S100A8: variants seen among roughly 807,000 people sequenced by gnomAD.
S100A8 encodes the protein protein S100-A8.
S100A8 carries 1 observed loss-of-function variant against 4.2 expected under a neutral mutation model. The ratio of observed to expected loss-of-function variants is 0.24; its 90% CI spans 0.08 to 1.12. The LOEUF (loss-of-function observed/expected upper bound fraction) is 1.12. Ranked by LOEUF, S100A8 falls within the 50% of genes most tolerant of loss-of-function variation. The pLI is 0.53. For synonymous variants in S100A8, 41 were observed against 44.7 expected (o/e 0.92, Z 0.33); for missense variants, 96 against 111.8 (o/e 0.86, Z 0.64).
chr1:153,400,494 G>T, the S100A8 span, among the ~76,000 whole-genome samples: 1 of 152,118 alleles, frequency 6.6e-6, no homozygotes, highest in Non-Finnish European at 1.5e-5. Context: ...TTCCAGAATG[G>T]GGCGCCAAAG....
chr1:153,409,999 T>C, the S100A8 span, among the ~76,000 whole-genome samples: 2 of 152,258 alleles, frequency 1.3e-5, no homozygotes, highest in Non-Finnish European at 2.9e-5. Context: ...GGGAAATTTA[T>C]AGCACTAAAT....
In S100A8 at chr1:153,391,012, G is replaced by A. The variant is rs112418244; in HGVS notation, c.-23+29C>T. 28 of 989,442 alleles carry A rather than the reference G, an allele frequency of 2.8e-5. No individual in the cohort carries two copies. The African/African-American group carries it at 4.5e-4, about 16-fold the overall frequency. The allele number at this position is 989,442 out of a possible 1,614,324, so 61.3% of individuals were successfully genotyped here. A position where few individuals can be genotyped will look rare whatever the true frequency, so the allele number is the denominator to read the frequency against. On this transcript the variant is annotated intron_variant, in intron 1 of 2. Transcript: ENST00000368733. ...ACCCTCCCCAAGAGAAGCCCAAAGTGCGGGGCCAACCCAGACAGTCCCACT... is the reference window on the plus strand; with the variant it reads ...ACCCTCCCCAAGAGAAGCCCAAAGTACGGGGCCAACCCAGACAGTCCCACT...
the S100A8 span, chr1:153,419,251 C>A: frequency 6.2e-7 from 1 of 1,614,204 alleles, no homozygotes. Flanking sequence ...GGAGACATAG[C>A]CGCAGACTAC....
the S100A8 span, among the ~76,000 whole-genome samples, chr1:153,397,525 G>A: frequency 2.6e-5 from 4 of 152,170 alleles, no homozygotes; most frequent in African/African-American, 7.2e-5. Context: ...GGAAGGAACA[G>A]CATGAAGAAA....
chr1:153,412,759 A>T, the S100A8 span, among the ~76,000 whole-genome samples: 1 of 152,208 alleles, frequency 6.6e-6, no homozygotes, highest in Non-Finnish European at 1.5e-5. Context: ...GATAGACTGG[A>T]TTAAGAAAAT....
At chr1:153,413,197 T>G in the S100A8 span, among the ~76,000 whole-genome samples, 1 of 152,130 alleles carries the variant, frequency 6.6e-6, no homozygotes, top group Non-Finnish European at 1.5e-5. Context: ...ATAAAGAACC[T>G]CAATACAAAA....
chr1:153,417,378 C>T, the S100A8 span: 2 of 152,332 alleles, frequency 1.3e-5, no homozygotes, highest in Non-Finnish European at 2.9e-5. Flanking sequence ...TCACTCCCAC[C>T]CCATCCAGCA....
chr1:153,409,332 T>A, the S100A8 span, among the ~76,000 whole-genome samples: 8 of 152,146 alleles, frequency 5.3e-5, no homozygotes, highest in Non-Finnish European at 1.0e-4. Flanking sequence ...GCAATCCTAG[T>A]CTCTGATAAA....
the S100A8 span, chr1:153,421,929 C>G: frequency 6.6e-6 from 1 of 152,238 alleles, no homozygotes; most frequent in African/African-American, 2.4e-5. Flanking sequence ...CTCAAGGGAG[C>G]CTTGTCTAAT....
chr1:153,404,689 T>C, the S100A8 span, among the ~76,000 whole-genome samples: 2 of 152,332 alleles, frequency 1.3e-5, no homozygotes, highest in African/African-American at 4.8e-5. Context: ...GTGTCCCCAA[T>C]ATACTATTTT....
intron 2 of S100A8, 49 bp downstream of exon 2, chr1:153,390,346 A>C: frequency 6.2e-7 from 1 of 1,606,326 alleles, no homozygotes; most frequent in African/African-American, 1.3e-5. Flanking sequence ...GGCCCAGGGC[A>C]GCCCCAGGAC....
the S100A8 span, among the ~76,000 whole-genome samples, chr1:153,398,730 A>G: frequency 3.3e-5 from 5 of 152,166 alleles, no homozygotes; most frequent in African/African-American, 9.7e-5. Context: ...AGCACTTTAT[A>G]CAAATTATCC....
At chr1:153,412,637 T>G in the S100A8 span, among the ~76,000 whole-genome samples, 877 of 152,326 alleles carry the variant, frequency 5.8e-3, 7 homozygotes, top group African/African-American at 0.02. Flanking sequence ...TTACTGGGTA[T>G]ATACCCAAGG....
At chr1:153,417,909 T>G in the S100A8 span, 1 of 940,070 alleles carries the variant, frequency 1.1e-6, no homozygotes, top group Non-Finnish European at 1.5e-6. Flanking sequence ...ACCCTCTCAT[T>G]TTTGAACAAC....
At chr1:153,417,999 C>T in the S100A8 span, 10 of 1,581,308 alleles carry the variant, frequency 6.3e-6, no homozygotes, top group East Asian at 2.0e-4. Flanking sequence ...AGCCCTCCTT[C>T]TAACACCCCC....
the S100A8 span, among the ~76,000 whole-genome samples, chr1:153,413,006 G>C: frequency 3.0e-4 from 45 of 152,274 alleles, no homozygotes; most frequent in African/African-American, 1.1e-3. Context: ...AGCGGGGAGA[G>C]ATAGCATTAG....
the S100A8 span, chr1:153,418,009 C>T: frequency 6.3e-7 from 1 of 1,596,140 alleles, no homozygotes; most frequent in Non-Finnish European, 8.6e-7. Flanking sequence ...CTAACACCCC[C>T]ACATAGAGAC....
At chr1:153,399,505 T>C in the S100A8 span, among the ~76,000 whole-genome samples, 1 of 152,116 alleles carries the variant, frequency 6.6e-6, no homozygotes, top group Admixed American at 6.6e-5. Flanking sequence ...CCTCCCTCCA[T>C]TAGTGAACCC....
chr1:153,398,394 A>AG, the S100A8 span, among the ~76,000 whole-genome samples: 4 of 151,468 alleles, frequency 2.6e-5, 1 homozygote, highest in South Asian at 8.3e-4. Flanking sequence ...CACCCTGGTT[A>AG]GGGGGGCCAC....
Sources: gnomAD v4.1 joint callset for allele counts (sites outside exome capture counted in the v4.1 genomes callset) on GRCh38, gnomAD v4.1.1 for gene constraint, MANE v1.5 for transcripts, NCBI Gene and HGNC (gene_info 2026-07-23, HGNC 2026-07-21) for gene names.